Variants in RBFOX1 observed in about 807,000 individuals in gnomAD.
The protein encoded by RBFOX1 is RNA binding fox-1 homolog 1, also known as RNA binding protein fox-1 homolog 1.
In RBFOX1, 8 loss-of-function variants were observed where a neutral mutation model predicts 57.7. That is an observed-to-expected ratio of 0.14 (90% CI 0.08 to 0.25). The LOEUF (loss-of-function observed/expected upper bound fraction) is 0.25. Among genes scored for constraint, RBFOX1 ranks in the 10% least tolerant of loss-of-function variants. The pLI is 1.00. For synonymous variants in RBFOX1, 326 were observed against 222.4 expected, an observed-to-expected ratio of 1.47 and a Z score of -4.15; for missense variants, 611 against 548.5, an observed-to-expected ratio of 1.11 and a Z score of -1.14.
chr16:6,943,474 T>C (rs1045451198), intron 3 of RBFOX1, among the ~76,000 whole-genome samples: 14 of 152,266 alleles, frequency 9.2e-5, no homozygotes, highest in African/African-American at 3.4e-4. Flanking sequence ...TTTGGGAGTC[T>C]GAGGCAGGCG....
chr16:5,636,842 C>T (rs990929997), intron 3 of RBFOX1, among the ~76,000 whole-genome samples: 1 of 152,168 alleles, frequency 6.6e-6, no homozygotes. Flanking sequence ...GGGAAGTAAA[C>T]ATTTCTCATT....
At chr16:6,728,329 G>C (rs2067718475) in intron 3 of RBFOX1, among the ~76,000 whole-genome samples, 2 of 151,588 alleles carry the variant, frequency 1.3e-5, no homozygotes, top group South Asian at 4.2e-4. Flanking sequence ...AACGTAACTT[G>C]AGCAAATTTC....
chr16:5,439,659 C>T (rs181707736), intron 1 of RBFOX1, among the ~76,000 whole-genome samples: 5 of 152,128 alleles, frequency 3.3e-5, no homozygotes, highest in Admixed American at 1.3e-4. Context: ...ATGAGAAAGA[C>T]GGGCCTCACT....
chr16:7,092,163 A>T (rs994898928), intron 4 of RBFOX1, among the ~76,000 whole-genome samples: 3 of 152,212 alleles, frequency 2.0e-5, no homozygotes, highest in Admixed American at 1.3e-4. Context: ...TCTCAATTTG[A>T]ATATAGCATT....
intron 3 of RBFOX1, among the ~76,000 whole-genome samples, chr16:6,900,739 TAA>T (rs2068264957): frequency 1.3e-5 from 2 of 152,190 alleles, no homozygotes; most frequent in Non-Finnish European, 2.9e-5. Context: ...ATCTTTCGTC[TAA>T]ACTGGGATCT....
chr16:7,666,413 G>A (rs535810950), intron 13 of RBFOX1, among the ~76,000 whole-genome samples: 106 of 151,966 alleles, frequency 7.0e-4, no homozygotes, highest in Non-Finnish European at 1.3e-3. Flanking sequence ...AGATTTTCCT[G>A]AGTTTAGTTA....
At chr16:6,792,457 A>G (rs1172284579) in intron 3 of RBFOX1, among the ~76,000 whole-genome samples, 1 of 152,308 alleles carries the variant, frequency 6.6e-6, no homozygotes, top group Admixed American at 6.5e-5. Flanking sequence ...CATACCTTCC[A>G]GAAAGACTGG....
chr16:5,732,115 G>A (rs2052395885), intron 3 of RBFOX1, among the ~76,000 whole-genome samples: 1 of 152,146 alleles, frequency 6.6e-6, no homozygotes, highest in African/African-American at 2.4e-5. Flanking sequence ...TCCACTTTTA[G>A]AATTTGAATG....
At chr16:5,988,735 C>A (rs1420686127) in intron 4 of RBFOX1, among the ~76,000 whole-genome samples, 1 of 152,144 alleles carries the variant, frequency 6.6e-6, no homozygotes, top group African/African-American at 2.4e-5. Flanking sequence ...CTTTGTGGAT[C>A]AGTAATCTGA....
intron 1 of RBFOX1, among the ~76,000 whole-genome samples, chr16:5,435,566 G>A (rs1204634246): frequency 6.6e-6 from 1 of 152,102 alleles, no homozygotes. Flanking sequence ...GGCAAATGTC[G>A]TCACCACCCA....
intron 2 of RBFOX1, among the ~76,000 whole-genome samples, chr16:6,452,764 C>G (rs2185723): frequency 0.28 from 42,620 of 152,022 alleles, 6,115 homozygotes; most frequent in African/African-American, 0.31. Flanking sequence ...CCTTATTTCA[C>G]TAGCTATGTG....
At chr16:7,173,536 A>G (rs1253358647) in intron 4 of RBFOX1, among the ~76,000 whole-genome samples, 1 of 151,614 alleles carries the variant, frequency 6.6e-6, no homozygotes, top group Non-Finnish European at 1.5e-5. Context: ...TTCCTTGCTT[A>G]CTTCATTGTA....
intron 3 of RBFOX1, among the ~76,000 whole-genome samples, chr16:6,900,474 AG>A (rs2068188880): frequency 6.6e-6 from 1 of 152,210 alleles, no homozygotes; most frequent in Non-Finnish European, 1.5e-5. Context: ...CGTTGCTCTT[AG>A]GATGAAAGCA....
chr16:6,381,982 G>C (rs1431671735), intron 2 of RBFOX1, among the ~76,000 whole-genome samples: 1 of 152,176 alleles, frequency 6.6e-6, no homozygotes, highest in Non-Finnish European at 1.5e-5. Flanking sequence ...TTCCTGTAAA[G>C]GGCCACACAG....
chr16:7,701,427 C>CT (rs2080687043), intron 14 of RBFOX1, among the ~76,000 whole-genome samples: 1 of 152,168 alleles, frequency 6.6e-6, no homozygotes, highest in Non-Finnish European at 1.5e-5. Flanking sequence ...ACCAACCCTA[C>CT]TGTAAACTGT....
At chr16:5,642,627 C>T (rs1359983859) in intron 3 of RBFOX1, among the ~76,000 whole-genome samples, 1 of 152,154 alleles carries the variant, frequency 6.6e-6, no homozygotes, top group African/African-American at 2.4e-5. Context: ...CTTCCCCAGC[C>T]ACCCAGCCTC....
At chr16:5,523,982 C>A (rs1261305798) in intron 2 of RBFOX1, among the ~76,000 whole-genome samples, 4 of 152,144 alleles carry the variant, frequency 2.6e-5, no homozygotes, top group Non-Finnish European at 5.9e-5. Flanking sequence ...CAGGACAAGA[C>A]AAATGGTCTT....
At chr16:6,906,724 ATTTTT>A (rs200335697) in intron 3 of RBFOX1, among the ~76,000 whole-genome samples, 1 of 141,912 alleles carries the variant, frequency 7.0e-6, no homozygotes, top group African/African-American at 2.6e-5. Flanking sequence ...TTGCAGAACT[ATTTTT>A]TTTTTTTTTT....
At chr16:6,400,571 A>T (rs1350516229) in intron 2 of RBFOX1, among the ~76,000 whole-genome samples, 1 of 152,112 alleles carries the variant, frequency 6.6e-6, no homozygotes, top group African/African-American at 2.4e-5. Context: ...TAGTAAAAGG[A>T]TGGGAATAGT....
Sources: allele counts gnomAD v4.1 joint callset (sites outside exome capture counted in the v4.1 genomes callset), GRCh38; gene constraint gnomAD v4.1.1; transcripts MANE v1.5; gene names NCBI Gene and HGNC (gene_info 2026-07-23, HGNC 2026-07-21).